KCNIP4: variants seen among roughly 807,000 people sequenced by gnomAD.
KCNIP4 encodes the protein potassium voltage-gated channel interacting protein 4, also known as Kv channel-interacting protein 4.
Under a neutral mutation model 34.0 loss-of-function variants are expected in KCNIP4, and 12 were observed. The ratio of observed to expected loss-of-function variants is 0.35; its 90% CI spans 0.23 to 0.57. KCNIP4 has a LOEUF of 0.57. Ranked by LOEUF, KCNIP4 falls within the 20% of genes least tolerant of loss-of-function variation. KCNIP4 has a pLI of 0.83. For synonymous variants in KCNIP4, 124 were observed against 102.2 expected, an observed-to-expected ratio of 1.21 and a Z score of -1.29; for missense variants, 238 against 311.7, an observed-to-expected ratio of 0.76 and a Z score of 1.78.
intron 1 of KCNIP4, among the ~76,000 whole-genome samples, chr4:21,524,792 T>C (rs1211133248): frequency 1.3e-5 from 2 of 150,758 alleles, no homozygotes; most frequent in Non-Finnish European, 2.9e-5. Context: ...GCTTGACTAG[T>C]GATTTTTTTT....
At chr4:21,426,267 G>A (rs1010940610) in intron 1 of KCNIP4, among the ~76,000 whole-genome samples, 9 of 152,118 alleles carry the variant, frequency 5.9e-5, no homozygotes, top group East Asian at 1.9e-4. Flanking sequence ...TTTAGTGACC[G>A]TAGATATGGA....
intron 1 of KCNIP4, among the ~76,000 whole-genome samples, chr4:21,125,160 C>T (rs1750504103): frequency 9.9e-6 from 1 of 101,038 alleles, no homozygotes; most frequent in Admixed American, 1.0e-4. Flanking sequence ...TCAGAATCAG[C>T]AGGAGGGCTT....
At chr4:21,636,873 G>A (rs1300381217) in intron 1 of KCNIP4, among the ~76,000 whole-genome samples, 1 of 152,116 alleles carries the variant, frequency 6.6e-6, no homozygotes, top group Non-Finnish European at 1.5e-5. Flanking sequence ...GTGAATCCAC[G>A]CCATGAATTC....
At chr4:21,808,685 G>A (rs1160861682) in intron 1 of KCNIP4, among the ~76,000 whole-genome samples, 1 of 152,136 alleles carries the variant, frequency 6.6e-6, no homozygotes, top group Admixed American at 6.6e-5. Flanking sequence ...TGCAATGGAT[G>A]GCTAGCCTTA....
chr4:20,889,028 G>A (rs924907506), intron 1 of KCNIP4, among the ~76,000 whole-genome samples: 1 of 152,006 alleles, frequency 6.6e-6, no homozygotes, highest in African/African-American at 2.4e-5. Context: ...CTCTATTTTA[G>A]TGGGCCCATG....
At chr4:21,001,956 G>GA (rs398107074) in intron 1 of KCNIP4, among the ~76,000 whole-genome samples, 5 of 18,918 alleles carry the variant, frequency 2.6e-4, no homozygotes, top group Non-Finnish European at 5.2e-4. Flanking sequence ...TTTGTTTCCA[G>GA]TAAGTTCATT....
At chr4:20,873,884 T>C (rs1483730850) in intron 2 of KCNIP4, among the ~76,000 whole-genome samples, 1 of 152,230 alleles carries the variant, frequency 6.6e-6, no homozygotes, top group Non-Finnish European at 1.5e-5. Context: ...GGCTAAGCTT[T>C]ATCTTTTGAA....
At chr4:21,089,895 T>G (rs1746834109) in intron 1 of KCNIP4, among the ~76,000 whole-genome samples, 1 of 152,206 alleles carries the variant, frequency 6.6e-6, no homozygotes, top group African/African-American at 2.4e-5. Flanking sequence ...GGTTGTCTAT[T>G]CTATGACACA....
intron 1 of KCNIP4, among the ~76,000 whole-genome samples, chr4:20,985,007 A>T (rs186381686): frequency 2.0e-5 from 3 of 152,222 alleles, no homozygotes; most frequent in African/African-American, 7.2e-5. Flanking sequence ...CTCCAAACAG[A>T]CCCTGTTCTG....
At chr4:21,342,141 C>T (rs1441658533) in intron 1 of KCNIP4, among the ~76,000 whole-genome samples, 1 of 151,984 alleles carries the variant, frequency 6.6e-6, no homozygotes, top group Non-Finnish European at 1.5e-5. Flanking sequence ...CTAGCTAAGA[C>T]AAGGCACGGG....
intron 1 of KCNIP4, among the ~76,000 whole-genome samples, chr4:21,104,459 A>T (rs1748288000): frequency 6.6e-6 from 1 of 151,800 alleles, no homozygotes; most frequent in Admixed American, 6.6e-5. Flanking sequence ...TTTTCTTGTA[A>T]ATTTGTTTAA....
chr4:20,948,690 C>T (rs148468842), intron 1 of KCNIP4, among the ~76,000 whole-genome samples: 1 of 152,296 alleles, frequency 6.6e-6, no homozygotes, highest in East Asian at 1.9e-4. Context: ...ACCTGTTAGT[C>T]ACCTTATCAA....
intron 1 of KCNIP4, among the ~76,000 whole-genome samples, chr4:21,246,989 C>T (rs1442760391): frequency 6.6e-6 from 1 of 151,928 alleles, no homozygotes; most frequent in Admixed American, 6.6e-5. Context: ...TTAGTTCTTG[C>T]AAGGATCTCA....
intron 1 of KCNIP4, among the ~76,000 whole-genome samples, chr4:21,944,495 T>G (rs556574300): frequency 3.5e-5 from 5 of 142,946 alleles, no homozygotes; most frequent in Middle Eastern, 3.7e-3. Context: ...AGGCAGAGAT[T>G]GCAGCGAGCC....
At chr4:21,147,531 T>G (rs1254160873) in intron 1 of KCNIP4, among the ~76,000 whole-genome samples, 1 of 152,180 alleles carries the variant, frequency 6.6e-6, no homozygotes, top group Non-Finnish European at 1.5e-5. Flanking sequence ...AACACATAAT[T>G]TATTATTTTT....
chr4:21,200,385 T>C lies in KCNIP4; in HGVS notation c.62-317676A>G, dbSNP rs1756401402. Among the ~76,000 whole-genome samples, 3 of 38,694 alleles carry C rather than the reference T, an allele frequency of 7.8e-5. 1 individual carries two copies. Among genetic ancestry groups the C allele is most frequent in the Non-Finnish European group, 1.2e-4 (3 of 24,444 alleles). 25.4% of individuals were successfully genotyped at this position (38,694 alleles called of 152,430 possible). On this transcript the variant is annotated intron_variant, in intron 1 of 8. Transcript: ENST00000382152. ...ATATATACATACATATATGTGTGTA[T>C]ATATATATATACATACATATATGTG...
rs368717815 is a variant in KCNIP4, at chr4:21,402,313, C to T, written c.62-519604G>A. On this transcript the variant is annotated intron_variant, in intron 1 of 8. Coordinates refer to ENST00000382152, the MANE Select transcript of KCNIP4 (RefSeq NM_025221.6). The stretch of plus-strand genomic sequence containing the variant: ...CAAATTCAGATTTCTTCAGTGGAAG[C>T]ATAAATAACTATTTCTTCCGTGAAT... 5.9e-5 allele frequency among the ~76,000 whole-genome samples: 9 copies of T among 152,270 alleles called. No individual in the cohort carries two copies. In the East Asian group the frequency reaches 9.7e-4, roughly 16 times the overall value.
chr4:21,075,668 T>A (rs1051643006), intron 1 of KCNIP4, among the ~76,000 whole-genome samples: 2 of 152,194 alleles, frequency 1.3e-5, no homozygotes, highest in Admixed American at 1.3e-4. Context: ...ATGTGTGAAT[T>A]TGATCCTGTC....
chr4:21,132,647 G>A (rs1394819890), intron 1 of KCNIP4, among the ~76,000 whole-genome samples: 1 of 152,106 alleles, frequency 6.6e-6, no homozygotes, highest in Non-Finnish European at 1.5e-5. Context: ...CCACTGAAGT[G>A]CGGGGTAGGC....
Sources: gnomAD v4.1 joint callset for allele counts (sites outside exome capture counted in the v4.1 genomes callset) on GRCh38, gnomAD v4.1.1 for gene constraint, MANE v1.5 for transcripts, NCBI Gene and HGNC (gene_info 2026-07-23, HGNC 2026-07-21) for gene names.